ZMYM2: variants seen among roughly 807,000 people sequenced by gnomAD.
The protein encoded by ZMYM2 is zinc finger MYM-type containing 2.
In ZMYM2, 56 loss-of-function variants were observed where a neutral mutation model predicts 162.8. That is an observed-to-expected ratio of 0.34 (90% CI 0.28 to 0.43). The LOEUF is 0.43. Ranked by LOEUF, ZMYM2 falls within the 20% of genes least tolerant of loss-of-function variation. ZMYM2 has a pLI of 1.00. For synonymous variants in ZMYM2, 510 were observed against 541.6 expected, an observed-to-expected ratio of 0.94 and a Z score of 0.81; for missense variants, 1,275 against 1,621.8, an observed-to-expected ratio of 0.79 and a Z score of 3.67.
At chr13:20,075,297 G>A (rs1957406420) in intron 21 of ZMYM2, among the ~76,000 whole-genome samples, 2 of 152,216 alleles carry the variant, frequency 1.3e-5, no homozygotes, top group East Asian at 3.9e-4. Flanking sequence ...TTTTTGTAAG[G>A]ACTAAGTCTT....
intron 2 of ZMYM2, among the ~76,000 whole-genome samples, chr13:19,963,273 C>T (rs188909875): frequency 9.2e-5 from 14 of 152,278 alleles, no homozygotes; most frequent in African/African-American, 3.1e-4. Context: ...CTGCGTTTTG[C>T]TCCTTTAAAA....
chr13:19,960,108 C>G (rs1566152785), intron 2 of ZMYM2, 82 bp downstream of exon 2: 1 of 152,200 alleles, frequency 6.6e-6, no homozygotes, highest in East Asian at 1.9e-4. Context: ...TGGCCCTCCC[C>G]GTTGTTTTGA....
intron 12 of ZMYM2, among the ~76,000 whole-genome samples, chr13:20,047,376 T>A (rs1293729883): frequency 6.6e-6 from 1 of 152,236 alleles, no homozygotes; most frequent in Non-Finnish European, 1.5e-5. Context: ...TATCTTTTTT[T>A]ATTTAAATAC....
chr13:19,959,363 C>T (rs1301003549), intron 1 of ZMYM2, among the ~76,000 whole-genome samples: 1 of 152,146 alleles, frequency 6.6e-6, no homozygotes, highest in East Asian at 1.9e-4. Flanking sequence ...GGGCTGCTGC[C>T]TCTGCTCCGC....
chr13:19,935,836 T>A, the ZMYM2 span, among the ~76,000 whole-genome samples: 3 of 152,154 alleles, frequency 2.0e-5, no homozygotes, highest in Non-Finnish European at 4.4e-5. Context: ...TTATCTGTTC[T>A]AGGGTTTCTT....
Position 19,993,741 on chromosome 13 carries a change from C to T in ZMYM2, c.669C>T (p.Thr223=). 1 of 1,614,010 alleles carries T rather than the reference C, an allele frequency of 6.2e-7. No individual in the cohort carries two copies. Among genetic ancestry groups the T allele is most frequent in the Non-Finnish European group, 8.5e-7 (1 of 1,179,932 alleles). The part of the protein sequence containing the change: ...MITHVTSLQN[T]NLGDVSNGLQ... ...CACATGTAACATCACTGCAGAATAC[C>T]AACTTGGGAGATGTCTCTAACGGAC... Residue 223 remains threonine, a synonymous_variant, in exon 3 of 25, where the codon ACC becomes ACT. Transcript: ENST00000610343.
At chr13:20,045,509 T>C (rs1045268647) in intron 12 of ZMYM2, among the ~76,000 whole-genome samples, 2 of 152,224 alleles carry the variant, frequency 1.3e-5, no homozygotes, top group Admixed American at 1.3e-4. Flanking sequence ...AAATGTTTTG[T>C]TTATGGATAT....
At chr13:20,004,363 C>T (rs1434370640) in intron 4 of ZMYM2, among the ~76,000 whole-genome samples, 1 of 152,040 alleles carries the variant, frequency 6.6e-6, no homozygotes, top group Admixed American at 6.6e-5. Flanking sequence ...TCATGCCGTT[C>T]TCCTGCCTCA....
intron 7 of ZMYM2, among the ~76,000 whole-genome samples, chr13:20,020,265 G>C (rs1294410347): frequency 7.3e-6 from 1 of 136,714 alleles, no homozygotes; most frequent in Non-Finnish European, 1.5e-5. Context: ...ACAGAGTTTC[G>C]CTCTTGTTGC....
intron 2 of ZMYM2, among the ~76,000 whole-genome samples, chr13:19,978,753 T>C (rs751241347): frequency 6.6e-6 from 1 of 152,284 alleles, no homozygotes; most frequent in Middle Eastern, 3.4e-3. Context: ...TTATATCATA[T>C]AAAAAAATTA....
At position 20,086,121 on chromosome 13, in the gene ZMYM2, T is replaced by C; in HGVS notation, c.*107T>C. The C allele has an allele frequency of 4.3e-6, 5 of 1,169,350 alleles. No homozygotes were observed. Among genetic ancestry groups the C allele is most frequent in the Non-Finnish European group, 5.9e-6 (5 of 844,220 alleles). 72.4% of individuals were successfully genotyped at this position (1,169,350 alleles called of 1,614,324 possible). A position where few individuals can be genotyped will look rare whatever the true frequency, so the allele number is the denominator to read the frequency against. On this transcript the variant is annotated 3_prime_UTR_variant, in exon 25 of 25. Coordinates refer to ENST00000610343, the MANE Select transcript of ZMYM2 (RefSeq NM_197968.4). Reference sequence around the variant, plus strand: ...AGTTTACTCCTTCTGTTTTGAGTTTTGTAGCAGTGTACCCACGCTGGGTAT... The same window carrying C: ...AGTTTACTCCTTCTGTTTTGAGTTTCGTAGCAGTGTACCCACGCTGGGTAT...
At chr13:20,030,979 C>A (rs1218919919) in intron 9 of ZMYM2, among the ~76,000 whole-genome samples, 3 of 152,064 alleles carry the variant, frequency 2.0e-5, no homozygotes, top group African/African-American at 2.4e-5. Context: ...TTTTAAACTT[C>A]TGTTAGTTCA....
In ZMYM2 at chr13:20,003,266, G is replaced by C. The variant is rs561425555; in HGVS notation, c.1133+131G>C. On this transcript the variant is annotated intron_variant, in intron 4 of 24. Coordinates refer to ENST00000610343, the MANE Select transcript of ZMYM2 (RefSeq NM_197968.4). Reference sequence around the variant, plus strand: ...AGTCCAGGTGGCATATGGATAAAAGGCTTCCTGTTTGGATGGCATTGGAGT... The same window carrying C: ...AGTCCAGGTGGCATATGGATAAAAGCCTTCCTGTTTGGATGGCATTGGAGT... 8.9e-5 allele frequency: 99 copies of C among 1,107,200 alleles called. 2 individuals carry two copies. The South Asian group carries it at 1.3e-3, about 15-fold the overall frequency. 68.6% of individuals were successfully genotyped at this position (1,107,200 alleles called of 1,614,324 possible). A position where few individuals can be genotyped will look rare whatever the true frequency, so the allele number is the denominator to read the frequency against.
chr13:20,050,320 A>G (rs1955204603), intron 12 of ZMYM2, among the ~76,000 whole-genome samples: 1 of 151,980 alleles, frequency 6.6e-6, no homozygotes, highest in South Asian at 2.1e-4. Context: ...CCTGACCAGG[A>G]ATTTTGACAT....
intron 2 of ZMYM2, among the ~76,000 whole-genome samples, chr13:19,992,859 T>G (rs1409068692): frequency 3.9e-5 from 6 of 151,962 alleles, no homozygotes; most frequent in Non-Finnish European, 7.4e-5. Flanking sequence ...ATAATTGCCT[T>G]CCTTGTTATC....
chr13:20,021,222 G>T (rs1465811516), intron 7 of ZMYM2, among the ~76,000 whole-genome samples: 2 of 151,948 alleles, frequency 1.3e-5, no homozygotes, highest in African/African-American at 4.8e-5. Flanking sequence ...TGATCCGCCT[G>T]CCTCGGCCTC....
chr13:20,020,345 C>G (rs1325220106), intron 7 of ZMYM2, among the ~76,000 whole-genome samples: 1 of 151,894 alleles, frequency 6.6e-6, no homozygotes, highest in Non-Finnish European at 1.5e-5. Flanking sequence ...AGCGATTCTC[C>G]TGCCTCAGCC....
chr13:19,907,812 C>G, the ZMYM2 span, among the ~76,000 whole-genome samples: 1 of 120,398 alleles, frequency 8.3e-6, no homozygotes, highest in Admixed American at 8.4e-5. Context: ...AGACTTTATA[C>G]GAAAAGAGAA....
chr13:19,870,524 T>A, the ZMYM2 span, among the ~76,000 whole-genome samples: 1 of 123,450 alleles, frequency 8.1e-6, no homozygotes, highest in Non-Finnish European at 1.6e-5. Flanking sequence ...CCTCTTTCTC[T>A]CTTTCTTTCT....
Sources: allele counts gnomAD v4.1 joint callset (sites outside exome capture counted in the v4.1 genomes callset), GRCh38; gene constraint gnomAD v4.1.1; transcripts MANE v1.5; gene names NCBI Gene and HGNC (gene_info 2026-07-23, HGNC 2026-07-21).